Variants in CAAP1 observed in about 807,000 individuals in gnomAD.
CAAP1 encodes caspase activity and apoptosis inhibitor 1.
In CAAP1, 20 loss-of-function variants were observed where a neutral mutation model predicts 34.0. The observed-to-expected ratio is 0.59, with a 90% confidence interval of 0.41 to 0.86. The LOEUF is 0.86. Ranked by LOEUF, CAAP1 falls within the 40% of genes least tolerant of loss-of-function variation. The pLI is 0.00. For synonymous variants in CAAP1, 213 were observed against 166.7 expected (o/e 1.28, Z -2.14); for missense variants, 538 against 450.5 (o/e 1.19, Z -1.76).
chr9:26,850,768 A>C (rs12344257), intron 5 of CAAP1, among the ~76,000 whole-genome samples: 233 of 152,320 alleles, frequency 1.5e-3, no homozygotes, highest in African/African-American at 5.3e-3. Context: ...GTTATAGAGA[A>C]CTTGGCTTTT....
At chr9:26,858,950 A>G (rs1461876522) in intron 5 of CAAP1, among the ~76,000 whole-genome samples, 1 of 137,510 alleles carries the variant, frequency 7.3e-6, no homozygotes, top group Non-Finnish European at 1.5e-5. Context: ...GTGAGCCGAT[A>G]TTGCGCCATG....
chr9:26,892,350 G>C, intron 1 of CAAP1, 63 bp downstream of exon 1: 3 of 1,582,566 alleles, frequency 1.9e-6, no homozygotes, highest in South Asian at 2.3e-5. Flanking sequence ...CATCCCTCTG[G>C]AAGCCCGACT....
intron 2 of CAAP1, 144 bp downstream of exon 2, chr9:26,887,169 G>C: frequency 1.9e-6 from 1 of 523,406 alleles, no homozygotes; most frequent in Non-Finnish European, 3.3e-6. Flanking sequence ...CCAAGATCAC[G>C]CCACCACACT....
Position 26,872,825 on chromosome 9 carries a change from T to C in CAAP1, c.666-11686A>G, listed in dbSNP as rs576728989. 2.0e-5 allele frequency among the ~76,000 whole-genome samples: 3 copies of C among 152,190 alleles called. No individual in the cohort carries two copies. In the East Asian group the frequency reaches 5.8e-4, roughly 29 times the overall value. On this transcript the variant is annotated intron_variant, in intron 4 of 5. Transcript: ENST00000333916. ...AATAAAATGGTTCCATTTATACATA[T>C]TGCCTAAATGTAAGGCCTATTTAGG...
chr9:26,842,904 T>G (rs1324833725), intron 5 of CAAP1, among the ~76,000 whole-genome samples: 53 of 152,218 alleles, frequency 3.5e-4, no homozygotes, highest in Admixed American at 3.5e-3. Flanking sequence ...TTCCATCATA[T>G]GCAGTACCCA....
intron 5 of CAAP1, among the ~76,000 whole-genome samples, chr9:26,859,587 T>G (rs574787748): frequency 6.6e-6 from 1 of 152,330 alleles, no homozygotes; most frequent in Non-Finnish European, 1.5e-5. Flanking sequence ...CAGTGTAGTC[T>G]AATTATACAT....
chr9:26,891,189 GAAT>G (rs1193326894), intron 1 of CAAP1, among the ~76,000 whole-genome samples: 1 of 152,138 alleles, frequency 6.6e-6, no homozygotes, highest in Non-Finnish European at 1.5e-5. Flanking sequence ...CTACCAAAGA[GAAT>G]AATGAGCAGA....
At chr9:26,881,579 G>A (rs1463323897) in intron 4 of CAAP1, among the ~76,000 whole-genome samples, 1 of 152,174 alleles carries the variant, frequency 6.6e-6, no homozygotes, top group Non-Finnish European at 1.5e-5. Flanking sequence ...ATGACTGTGA[G>A]GCCTCCTCAG....
intron 3 of CAAP1, among the ~76,000 whole-genome samples, chr9:26,885,443 C>G (rs1426553124): frequency 6.6e-6 from 1 of 152,116 alleles, no homozygotes; most frequent in Non-Finnish European, 1.5e-5. Flanking sequence ...CACTTACACA[C>G]TATGTACATA....
chr9:26,857,420 T>C (rs375839381), intron 5 of CAAP1, among the ~76,000 whole-genome samples: 1 of 152,176 alleles, frequency 6.6e-6, no homozygotes, highest in South Asian at 2.1e-4. Context: ...TCACCTGAGG[T>C]AGGGAGTTCG....
intron 5 of CAAP1, among the ~76,000 whole-genome samples, chr9:26,851,344 T>C (rs1822746812): frequency 6.6e-6 from 1 of 152,044 alleles, no homozygotes; most frequent in Non-Finnish European, 1.5e-5. Context: ...ACTGCAAGTG[T>C]GAGGGACAGA....
At position 26,883,834 on chromosome 9, in the gene CAAP1, A is replaced by G. The variant is rs967177003; in HGVS notation, c.665+976T>C. On this transcript the variant is annotated intron_variant, in intron 4 of 5. Coordinates refer to ENST00000333916, the MANE Select transcript of CAAP1 (RefSeq NM_024828.4). Reference sequence around the variant, plus strand: ...CTTAAACTAGTGGAACTAAATTAGTATACTACATAAATGATCTAAAGCTAA... The same window carrying G: ...CTTAAACTAGTGGAACTAAATTAGTGTACTACATAAATGATCTAAAGCTAA... Among the ~76,000 whole-genome samples the G allele has an allele frequency of 7.9e-5, 12 of 152,368 alleles. No individual in the cohort carries two copies. In the East Asian group the frequency reaches 2.3e-3, roughly 29 times the overall value.
intron 4 of CAAP1, among the ~76,000 whole-genome samples, chr9:26,875,114 C>CT (rs1177205009): frequency 6.6e-6 from 1 of 152,096 alleles, no homozygotes; most frequent in Non-Finnish European, 1.5e-5. Flanking sequence ...ATGTCTCTTT[C>CT]TAATTAAAAC....
rs1823921142 is a variant in CAAP1, at chr9:26,892,226, G to C, written c.303+187C>G. 9 of 1,429,396 alleles carry C rather than the reference G, an allele frequency of 6.3e-6. No homozygotes were observed. The South Asian group carries it at 7.1e-5, about 11-fold the overall frequency. 88.5% of individuals were successfully genotyped at this position (1,429,396 alleles called of 1,614,324 possible). A position where few individuals can be genotyped will look rare whatever the true frequency, so the allele number is the denominator to read the frequency against. ...GGAAATCCAGAAACTTGAAGTTCAA[G>C]ATTCAAGACACGGATGGGAGTGTGG... is the stretch of plus-strand genomic sequence containing the variant. On this transcript the variant is annotated intron_variant, in intron 1 of 5. Coordinates refer to ENST00000333916, the MANE Select transcript of CAAP1 (RefSeq NM_024828.4).
intron 4 of CAAP1, among the ~76,000 whole-genome samples, chr9:26,864,269 A>T (rs1260391364): frequency 6.6e-6 from 1 of 152,164 alleles, no homozygotes; most frequent in Non-Finnish European, 1.5e-5. Flanking sequence ...TGATTTTTTT[A>T]AAATCAGAGT....
intron 4 of CAAP1, among the ~76,000 whole-genome samples, chr9:26,879,926 G>A (rs1191516779): frequency 6.6e-6 from 1 of 152,060 alleles, no homozygotes; most frequent in Non-Finnish European, 1.5e-5. Context: ...GCCTATTGTG[G>A]GACTTTACCT....
intron 1 of CAAP1, among the ~76,000 whole-genome samples, chr9:26,889,177 G>C (rs1823835922): frequency 6.6e-6 from 1 of 152,220 alleles, no homozygotes; most frequent in African/African-American, 2.4e-5. Context: ...AGCAATTTGG[G>C]AGGCTGAGGC....
intron 1 of CAAP1, 85 bp downstream of exon 1, chr9:26,892,328 C>T (rs1478914005): frequency 1.3e-6 from 2 of 1,558,146 alleles, no homozygotes; most frequent in Non-Finnish European, 1.7e-6. Flanking sequence ...CAGTGAGCTC[C>T]AGCCTGCGCC....
At chr9:26,843,598 T>TC (rs201488297) in intron 5 of CAAP1, among the ~76,000 whole-genome samples, 5,568 of 152,250 alleles carry the variant, frequency 0.037, 168 homozygotes, top group South Asian at 0.1. Flanking sequence ...GAATATGTTT[T>TC]TTTTTTTAAA....
Sources: allele counts gnomAD v4.1 joint callset (sites outside exome capture counted in the v4.1 genomes callset), GRCh38; gene constraint gnomAD v4.1.1; transcripts MANE v1.5; gene names NCBI Gene and HGNC (gene_info 2026-07-23, HGNC 2026-07-21).